STAB2: variants seen among roughly 807,000 people sequenced by gnomAD.
STAB2 encodes the protein stabilin 2, also known as stabilin-2.
Under a neutral mutation model 338.1 loss-of-function variants are expected in STAB2, and 288 were observed. The observed-to-expected ratio is 0.85, with a 90% confidence interval of 0.77 to 0.94. The LOEUF is 0.94. Ranked by LOEUF, STAB2 falls within the 40% of genes least tolerant of loss-of-function variation. The pLI is 0.00. For synonymous variants in STAB2, 1,202 were observed against 1,193.3 expected, an observed-to-expected ratio of 1.01 and a Z score of -0.15; for missense variants, 3,141 against 3,210.1, an observed-to-expected ratio of 0.98 and a Z score of 0.52.
Position 103,605,582 on chromosome 12 carries a change from CTGT to C in STAB2, c.331+11073_331+11075del, listed in dbSNP as rs545701443. On this transcript the variant is annotated intron_variant, in intron 3 of 68. Coordinates refer to ENST00000388887, the MANE Select transcript of STAB2 (RefSeq NM_017564.10). ...AGAGGTACTGAAATCTCTACTCTAA[CTGT>C]ATATTTACCTATTTCTCCTTGCAGT... Among the ~76,000 whole-genome samples, 21 of 152,046 alleles carry C rather than the reference CTGT, an allele frequency of 1.4e-4. No homozygotes were observed. The South Asian group carries it at 4.4e-3, about 32-fold the overall frequency.
chr12:103,630,103 A>G (rs945376078), intron 5 of STAB2, among the ~76,000 whole-genome samples: 4 of 152,232 alleles, frequency 2.6e-5, no homozygotes, highest in Admixed American at 6.5e-5. Flanking sequence ...GGGGAAGGTC[A>G]CCCTGATGCC....
intron 51 of STAB2, among the ~76,000 whole-genome samples, chr12:103,734,965 C>T (rs1881991997): frequency 6.6e-6 from 1 of 152,162 alleles, no homozygotes; most frequent in African/African-American, 2.4e-5. Flanking sequence ...CTTCACGTAG[C>T]ATTTGCCTCT....
At chr12:103,684,966 T>A in intron 26 of STAB2, 23 bp from the exon 27 acceptor site, 1 of 1,610,926 alleles carries the variant, frequency 6.2e-7, no homozygotes, top group Non-Finnish European at 8.5e-7. Flanking sequence ...GGGTAACCAT[T>A]TCTTTCATCT....
At chr12:103,728,121 G>T (rs1029250772) in intron 47 of STAB2, among the ~76,000 whole-genome samples, 1 of 152,076 alleles carries the variant, frequency 6.6e-6, no homozygotes, top group Admixed American at 6.5e-5. Context: ...GAATTTTGTG[G>T]GCTTTTGATT....
At chr12:103,711,326 A>G in intron 39 of STAB2, 145 bp from the exon 40 acceptor site, 3 of 1,037,412 alleles carry the variant, frequency 2.9e-6, no homozygotes, top group Non-Finnish European at 4.2e-6. Flanking sequence ...AGTATAAAAA[A>G]GGATTGACAT....
intron 22 of STAB2, 105 bp downstream of exon 22, chr12:103,670,912 G>T: frequency 1.1e-6 from 1 of 875,854 alleles, no homozygotes; most frequent in South Asian, 1.5e-5. Flanking sequence ...CCTTTGCTTG[G>T]GTTACACCAT....
chr12:103,626,373 T>C (rs571614281), intron 5 of STAB2, among the ~76,000 whole-genome samples: 11 of 152,320 alleles, frequency 7.2e-5, no homozygotes, highest in African/African-American at 2.6e-4. Flanking sequence ...GGCTTTAAAC[T>C]CAGCCTGACC....
At chr12:103,669,185 A>G (rs1593206658) in intron 20 of STAB2, 2 of 276,008 alleles carry the variant, frequency 7.2e-6, no homozygotes, top group East Asian at 1.6e-4. Context: ...CCACTGGATG[A>G]TAATACTTTG....
At chr12:103,627,221 C>T (rs998537186) in intron 5 of STAB2, among the ~76,000 whole-genome samples, 9 of 152,186 alleles carry the variant, frequency 5.9e-5, no homozygotes, top group African/African-American at 2.2e-4. Context: ...CAGTCTGCCT[C>T]TGGTGAGTGT....
intron 44 of STAB2, among the ~76,000 whole-genome samples, chr12:103,720,526 A>C (rs1478292227): frequency 6.6e-6 from 1 of 152,208 alleles, no homozygotes; most frequent in Admixed American, 6.5e-5. Flanking sequence ...ATGAATTTGT[A>C]TGTAAATTTT....
At position 103,587,470 on chromosome 12, in the gene STAB2, T is replaced by G; in HGVS notation, c.-7T>G. Reference sequence around the variant, plus strand: ...GCTTGGCACAGAGAAGGAGCAAATATTTCCTCATGATGCTACAACATTTAG... The same window carrying G: ...GCTTGGCACAGAGAAGGAGCAAATAGTTCCTCATGATGCTACAACATTTAG... On this transcript the variant is annotated 5_prime_UTR_variant, in exon 1 of 69. Coordinates refer to ENST00000388887, the MANE Select transcript of STAB2 (RefSeq NM_017564.10). 1 of 1,612,798 alleles carries G rather than the reference T, an allele frequency of 6.2e-7. No individual in the cohort carries two copies. The highest frequency in any genetic ancestry group is 8.5e-7 in the Non-Finnish European group (1 of 1,179,172).
intron 57 of STAB2, 140 bp from the exon 58 acceptor site, chr12:103,746,457 C>A: frequency 1.4e-6 from 1 of 707,478 alleles, no homozygotes. Context: ...AAGACCTTAG[C>A]AAATCACCCC....
At chr12:103,632,108 GT>G (rs1957473092) in intron 6 of STAB2, among the ~76,000 whole-genome samples, 1 of 152,240 alleles carries the variant, frequency 6.6e-6, no homozygotes, top group Non-Finnish European at 1.5e-5. Flanking sequence ...AGAGGAAAGG[GT>G]GCTTCACCAA....
chr12:103,651,186 C>A (rs564187527), intron 11 of STAB2, among the ~76,000 whole-genome samples: 3 of 152,062 alleles, frequency 2.0e-5, no homozygotes, highest in Non-Finnish European at 4.4e-5. Flanking sequence ...ATGGACTTAT[C>A]GATTTGTATA....
chr12:103,654,467 A>C, intron 12 of STAB2, 88 bp from the exon 13 acceptor site: 2 of 1,371,966 alleles, frequency 1.5e-6, no homozygotes. Context: ...ATCAAAGCCC[A>C]AGGACTCAAG....
At chr12:103,628,339 A>G (rs889925083) in intron 5 of STAB2, among the ~76,000 whole-genome samples, 2 of 152,214 alleles carry the variant, frequency 1.3e-5, no homozygotes, top group African/African-American at 4.8e-5. Flanking sequence ...TGCCTGATAG[A>G]TAGTAAGCAC....
At chr12:103,628,423 A>G (rs1206875328) in intron 5 of STAB2, among the ~76,000 whole-genome samples, 1 of 152,222 alleles carries the variant, frequency 6.6e-6, no homozygotes, top group African/African-American at 2.4e-5. Context: ...ATCAAGACCA[A>G]TAACTGCACT....
intron 35 of STAB2, among the ~76,000 whole-genome samples, chr12:103,704,353 C>T (rs1292598493): frequency 6.6e-6 from 1 of 152,160 alleles, no homozygotes; most frequent in Non-Finnish European, 1.5e-5. Flanking sequence ...AAAGAGTTAG[C>T]AGAGTCAGAA....
intron 7 of STAB2, among the ~76,000 whole-genome samples, chr12:103,637,728 C>T (rs1313222052): frequency 2.0e-5 from 3 of 152,140 alleles, no homozygotes; most frequent in African/African-American, 7.2e-5. Flanking sequence ...ATTCTTAGAG[C>T]AGGGCTTAGT....
Sources: allele counts gnomAD v4.1 joint callset (sites outside exome capture counted in the v4.1 genomes callset), GRCh38; gene constraint gnomAD v4.1.1; transcripts MANE v1.5; gene names NCBI Gene and HGNC (gene_info 2026-07-23, HGNC 2026-07-21).